PTK2: variants seen among roughly 807,000 people sequenced by gnomAD.
PTK2 encodes focal adhesion kinase 1.
A neutral mutation model predicts 150.1 loss-of-function variants in PTK2; 45 were observed. The ratio of observed to expected loss-of-function variants is 0.30; its 90% CI spans 0.24 to 0.38. The LOEUF is 0.38. PTK2 is among the 10% of genes least tolerant of loss of function. The pLI is 1.00. For synonymous variants in PTK2, 432 were observed against 449.2 expected (o/e 0.96, Z 0.48); for missense variants, 919 against 1,307.3 (o/e 0.70, Z 4.58).
intron 2 of PTK2, among the ~76,000 whole-genome samples, chr8:140,901,132 C>T (rs2100158282): frequency 1.3e-5 from 2 of 152,074 alleles, no homozygotes; most frequent in Admixed American, 1.3e-4. Context: ...TTGACAAAGC[C>T]TCCAACCTCC....
At chr8:140,746,959 C>T (rs1192428818) in intron 17 of PTK2, 99 bp from the exon 21 acceptor site, 20 of 753,884 alleles carry the variant, frequency 2.7e-5, no homozygotes, top group Middle Eastern at 4.0e-4. Context: ...GGTACAATCT[C>T]GACTCATTGC....
chr8:140,943,161 A>C (rs1180427016), intron 1 of PTK2, among the ~76,000 whole-genome samples: 1 of 152,142 alleles, frequency 6.6e-6, no homozygotes, highest in Admixed American at 6.5e-5. Context: ...GAACAGCCTA[A>C]TACAAGTGGG....
chr8:140,684,208 G>A lies in PTK2; in HGVS notation c.2562+2424C>T, dbSNP rs779268543. On this transcript the variant is annotated intron_variant, in intron 27 of 31. Coordinates refer to ENST00000522684, the Ensembl canonical transcript of PTK2. The stretch of plus-strand genomic sequence containing the variant: ...GTTTCGTGGAAGACAATTTTTCCAC[G>A]GACTCAGGGGATGGGGTGGGGGATG... Among the ~76,000 whole-genome samples the A allele has an allele frequency of 4.6e-5, 7 of 152,286 alleles. No individual in the cohort carries two copies. The South Asian group carries it at 6.2e-4, about 14-fold the overall frequency.
At chr8:140,837,690 C>A (rs528234844) in intron 7 of PTK2, among the ~76,000 whole-genome samples, 2 of 152,256 alleles carry the variant, frequency 1.3e-5, no homozygotes, top group East Asian at 3.9e-4. Flanking sequence ...GATCATGCCA[C>A]TGCACTCTAG....
At chr8:140,739,091 C>T (rs1399045434) in exon 21 of PTK2, 7 of 1,548,172 alleles carry the variant, frequency 4.5e-6, no homozygotes, top group East Asian at 2.3e-5. Flanking sequence ...ATTTAATAGG[C>T]AATTTTCCTT....
chr8:140,774,413 G>A (rs987620644), intron 14 of PTK2, among the ~76,000 whole-genome samples: 12 of 152,202 alleles, frequency 7.9e-5, no homozygotes, highest in African/African-American at 2.2e-4. Context: ...CACCACCAAC[G>A]GGTAAGACTC....
At chr8:140,976,484 T>C (rs899233244) in intron 1 of PTK2, among the ~76,000 whole-genome samples, 1 of 152,218 alleles carries the variant, frequency 6.6e-6, no homozygotes, top group Non-Finnish European at 1.5e-5. Context: ...AATCAGTCCT[T>C]GGGAAAGCAA....
At chr8:140,980,152 A>G (rs562640129) in intron 1 of PTK2, among the ~76,000 whole-genome samples, 1 of 152,354 alleles carries the variant, frequency 6.6e-6, no homozygotes, top group East Asian at 1.9e-4. Flanking sequence ...CAGTGTTTGC[A>G]GTACAGCAAG....
chr8:140,691,622 C>T (rs1419501020), intron 26 of PTK2, among the ~76,000 whole-genome samples: 1 of 152,172 alleles, frequency 6.6e-6, no homozygotes, highest in Non-Finnish European at 1.5e-5. Flanking sequence ...GAACACCGGA[C>T]AAACAGGTGG....
At chr8:140,837,184 T>C (rs2100119168) in intron 7 of PTK2, among the ~76,000 whole-genome samples, 1 of 152,212 alleles carries the variant, frequency 6.6e-6, no homozygotes, top group East Asian at 1.9e-4. Context: ...TGCACTCCAG[T>C]TGTTCCCTGT....
In PTK2 at chr8:140,885,153, A is replaced by C. The variant is rs907537516; in HGVS notation, c.195+5390T>G. Among the ~76,000 whole-genome samples, 3 of 152,228 alleles carry C rather than the reference A, an allele frequency of 2.0e-5. No homozygotes were observed. In the East Asian group the frequency reaches 5.8e-4, roughly 29 times the overall value. On this transcript the variant is annotated intron_variant, in intron 3 of 31. Coordinates refer to ENST00000522684, the Ensembl canonical transcript of PTK2. ...TAGTCCTTGTAATGTCTTTTTAAAA[A>C]ATAAGCTAGGTACAGAGATATCAGT...
At chr8:140,867,798 A>G (rs1227769750) in intron 4 of PTK2, among the ~76,000 whole-genome samples, 2 of 152,208 alleles carry the variant, frequency 1.3e-5, no homozygotes, top group Non-Finnish European at 2.9e-5. Context: ...AGTCTAGCAT[A>G]TTTCACACAA....
intron 27 of PTK2, among the ~76,000 whole-genome samples, chr8:140,684,673 A>G (rs1053055838): frequency 7.2e-5 from 11 of 152,200 alleles, no homozygotes; most frequent in South Asian, 2.1e-4. Context: ...GATCTCTACA[A>G]TAAGAATTAC....
chr8:140,728,874 C>T (rs1028519415), intron 22 of PTK2, among the ~76,000 whole-genome samples: 3 of 152,100 alleles, frequency 2.0e-5, no homozygotes, highest in African/African-American at 7.2e-5. Context: ...CCTGCTCTTA[C>T]AAGGGAGGCT....
intron 11 of PTK2, among the ~76,000 whole-genome samples, chr8:140,803,055 C>T (rs999788399): frequency 1.5e-5 from 2 of 130,332 alleles, no homozygotes; most frequent in African/African-American, 5.8e-5. Context: ...TGCTCTGTCA[C>T]CCAGGCTGGA....
intron 26 of PTK2, chr8:140,686,899 AC>A: frequency 1.8e-6 from 1 of 561,914 alleles, no homozygotes. Flanking sequence ...ACACACGCAC[AC>A]CTTACAGACT....
At position 140,978,805 on chromosome 8, in the gene PTK2, T is replaced by C. The variant is rs1445487427; in HGVS notation, c.-122+22320A>G. 3.3e-5 allele frequency among the ~76,000 whole-genome samples: 4 copies of C among 119,466 alleles called. No homozygotes were observed. The East Asian group carries it at 9.2e-4, about 27-fold the overall frequency. 78.4% of individuals were successfully genotyped at this position (119,466 alleles called of 152,430 possible). On this transcript the variant is annotated intron_variant, in intron 1 of 31. Transcript: ENST00000522684. ...TAAATCATGCTGCTATAAAGACACATGCACACATGTTTATTGCGGCACTAT... is the reference window on the plus strand; with the variant it reads ...TAAATCATGCTGCTATAAAGACACACGCACACATGTTTATTGCGGCACTAT...
chr8:140,827,154 A>T (rs1409806555), intron 8 of PTK2, among the ~76,000 whole-genome samples: 1 of 151,724 alleles, frequency 6.6e-6, no homozygotes, highest in Non-Finnish European at 1.5e-5. Context: ...TACTCTACAC[A>T]CTCTGCAATG....
chr8:140,659,512 A>G (rs1251264818), exon 32 of PTK2: 5 of 1,613,400 alleles, frequency 3.1e-6, no homozygotes, highest in Non-Finnish European at 4.2e-6. Context: ...TGCTTGGTCA[A>G]TGACATCGAG....
Sources: gnomAD v4.1 joint callset for allele counts (sites outside exome capture counted in the v4.1 genomes callset) on GRCh38, gnomAD v4.1.1 for gene constraint, MANE v1.5 for transcripts, NCBI Gene and HGNC (gene_info 2026-07-23, HGNC 2026-07-21) for gene names.